The following FANCI variants were observed in gnomAD, a reference collection of about 807,000 sequenced individuals.
FANCI encodes the protein Fanconi anemia group I protein.
In FANCI, 156 loss-of-function variants were observed where a neutral mutation model predicts 176.1. The observed-to-expected ratio is 0.89, with a 90% CI of 0.78 to 1.01. FANCI has a LOEUF of 1.01. Ranked by LOEUF, FANCI falls within the 50% of genes least tolerant of loss-of-function variation. FANCI has a pLI of 0.00. For synonymous variants in FANCI, 613 were observed against 541.7 expected (o/e 1.13, Z -1.83); for missense variants, 1,678 against 1,534.1 (o/e 1.09, Z -1.57).
rs561920831 is a variant in FANCI at position 89,259,974 on chromosome 15, T to C, written c.158-739T>C. On this transcript the variant is annotated intron_variant, in intron 3 of 37. Transcript: ENST00000310775. ...TATAAATTTTTGTGCGGACATGTTT[T>C]CCTTTCTCTTGGATATATATCTAGG... 4.6e-5 allele frequency among the ~76,000 whole-genome samples: 7 copies of C among 152,354 alleles called. No homozygotes were observed. The East Asian group carries it at 1.3e-3, about 29-fold the overall frequency.
At chr15:89,303,999 C>T (rs2054619637) in intron 28 of FANCI, 84 bp downstream of exon 28, 1 of 1,293,262 alleles carries the variant, frequency 7.7e-7, no homozygotes, top group South Asian at 1.2e-5. Context: ...AGGTATTCCC[C>T]ATTCATTACA....
rs1006437839 is a variant in FANCI at position 89,302,596 on chromosome 15, C to CA, written c.3006+1155dup. ...AAAAAAATTTTTTTTTTTTTTGAGA[C>CA]AGAGTCTCGCTCTGTCTCCCAGGCT... On this transcript the variant is annotated intron_variant, in intron 27 of 37. Coordinates refer to ENST00000310775, the MANE Select transcript of FANCI (RefSeq NM_001113378.2). Among the ~76,000 whole-genome samples the CA allele has an allele frequency of 1.4e-3, 215 of 149,550 alleles. 1 individual carries two copies. The highest frequency in any genetic ancestry group is 4.8e-3 in the African/African-American group (193 of 40,564).
chr15:89,307,389 G>A (rs1005166404), intron 32 of FANCI, 87 bp from the exon 33 acceptor site: 1 of 1,299,470 alleles, frequency 7.7e-7, no homozygotes, highest in African/African-American at 1.5e-5. Context: ...CAGTCAGAAT[G>A]ATGAGTCACA....
At chr15:89,269,723 T>G (rs528456593) in intron 10 of FANCI, among the ~76,000 whole-genome samples, 1 of 152,352 alleles carries the variant, frequency 6.6e-6, no homozygotes, top group East Asian at 1.9e-4. Flanking sequence ...AGACAAAATG[T>G]ACTAACGAGT....
intron 34 of FANCI, chr15:89,308,015 G>C: frequency 8.2e-7 from 1 of 1,214,686 alleles, no homozygotes; most frequent in Non-Finnish European, 1.0e-6. Flanking sequence ...CAGAGTAGCA[G>C]CAAGCACATG....
intron 31 of FANCI, 106 bp downstream of exon 31, chr15:89,305,804 C>A: frequency 7.9e-7 from 1 of 1,266,358 alleles, no homozygotes; most frequent in Non-Finnish European, 1.1e-6. Flanking sequence ...TTCTTATTTG[C>A]CTTTAAGCTA....
At chr15:89,315,448 C>A in intron 37 of FANCI, 59 bp downstream of exon 37, 2 of 1,198,588 alleles carry the variant, frequency 1.7e-6, no homozygotes, top group Non-Finnish European at 2.5e-6. Context: ...AGCAGCCTAT[C>A]TGGGAGCAGT....
chr15:89,293,192 T>A, intron 22 of FANCI, 129 bp downstream of exon 22: 1 of 988,186 alleles, frequency 1.0e-6, no homozygotes, highest in Non-Finnish European at 1.6e-6. Context: ...AATGAGCACC[T>A]AGTCTAAGAC....
rs780088570 is a variant in FANCI at position 89,261,686 on chromosome 15, A to G, written c.390A>G (p.Leu130=). ...TGAATGGAAAATCTTTGGAGTTACT[A>G]CCTATCATTCTCACTGCCCTGGCTA... ...SLVNGKSLEL[L]PIILTALATK... is the part of the protein sequence containing the mutation. Residue 130 remains leucine (L), a synonymous_variant, in exon 5 of 38, where the codon CTA becomes CTG. Transcript: ENST00000310775. 3.7e-6 allele frequency: 6 copies of G among 1,614,096 alleles called. No individual in the cohort carries two copies. The highest frequency in any genetic ancestry group is 1.7e-5 in the Admixed American group (1 of 60,014).
At position 89,262,805 on chromosome 15, in the gene FANCI, G is replaced by T. The variant is rs1426789571; in HGVS notation, c.504-614G>T. The stretch of plus-strand genomic sequence containing the variant: ...TCTACATCATTCTTTTTAATGGTTT[G>T]CAGTAATCTATTATTTGGCTAATCT... On this transcript the variant is annotated intron_variant, in intron 6 of 37. Coordinates refer to ENST00000310775, the MANE Select transcript of FANCI (RefSeq NM_001113378.2). Among the ~76,000 whole-genome samples, 3 of 152,126 alleles carry T rather than the reference G, an allele frequency of 2.0e-5. No homozygotes were observed. In the East Asian group the frequency reaches 5.8e-4, roughly 29 times the overall value.
intron 10 of FANCI, among the ~76,000 whole-genome samples, chr15:89,272,597 A>G (rs146000338): frequency 2.4e-3 from 373 of 152,266 alleles, no homozygotes; most frequent in African/African-American, 8.5e-3. Flanking sequence ...GTTTTCCTCT[A>G]AAAATATTAC....
chr15:89,295,143 C>T, intron 24 of FANCI, 49 bp downstream of exon 24: 2 of 1,522,038 alleles, frequency 1.3e-6, no homozygotes, highest in Non-Finnish European at 1.8e-6. Context: ...GCTGTGGTGT[C>T]TCCAAGAGAA....
intron 34 of FANCI, among the ~76,000 whole-genome samples, chr15:89,311,126 G>A (rs910115621): frequency 1.3e-5 from 2 of 152,116 alleles, no homozygotes. Context: ...GGGCATGGTG[G>A]CAGGCGCCTG....
At chr15:89,292,268 T>C (rs1168660256) in intron 20 of FANCI, among the ~76,000 whole-genome samples, 1 of 152,234 alleles carries the variant, frequency 6.6e-6, no homozygotes, top group African/African-American at 2.4e-5. Flanking sequence ...GCCTTCATTT[T>C]TGTGCCTTCT....
At position 89,314,621 on chromosome 15, in the gene FANCI, C is replaced by A. The variant is rs1321885310; in HGVS notation, c.3730C>A (p.Leu1244Ile). 1 of 1,613,722 alleles carries A rather than the reference C, an allele frequency of 6.2e-7. No homozygotes were observed. The highest frequency in any genetic ancestry group is 1.7e-5 in the Admixed American group (1 of 59,990). ...TGTTCTTTGCCCTTAGGCCAGAGTT[C>A]TTCGGGAAACCAAGCCAATCCCTAA... ...AAVATAMARV[L>I]RETKPIPNLI... The change falls in exon 36 of 38, where the codon CTT becomes ATT. Residue 1244 changes from leucine (L) to isoleucine (I), a missense_variant. Leu to Ile is a conservative substitution (Grantham distance 5). Transcript: ENST00000310775.
In FANCI at chr15:89,284,146, G is replaced by A. The variant is rs185031467; in HGVS notation, c.1698+896G>A. ...ATTATCTCATTTAATCTTCACAGCA[G>A]TCCTCTGAGGCTAGATACTATTATT... On this transcript the variant is annotated intron_variant, in intron 17 of 37. Coordinates refer to ENST00000310775, the MANE Select transcript of FANCI (RefSeq NM_001113378.2). 1.8e-3 allele frequency among the ~76,000 whole-genome samples: 279 copies of A among 152,210 alleles called. 1 individual carries two copies. The highest frequency in any genetic ancestry group is 6.5e-3 in the African/African-American group (268 of 41,550).
At chr15:89,289,168 T>A (rs2053955164) in intron 18 of FANCI, among the ~76,000 whole-genome samples, 1 of 152,206 alleles carries the variant, frequency 6.6e-6, no homozygotes, top group South Asian at 2.1e-4. Context: ...TATGCCATTT[T>A]AAAATTTTGC....
Position 89,305,232 on chromosome 15 carries a change from A to T in FANCI, c.3176A>T (p.Asp1059Val), listed in dbSNP as rs770258551. 1 of 1,614,130 alleles carries T rather than the reference A, an allele frequency of 6.2e-7. No individual in the cohort carries two copies. The highest frequency in any genetic ancestry group is 1.1e-5 in the South Asian group (1 of 91,080). The stretch of plus-strand genomic sequence containing the variant: ...CAGGATATCCACGGGCATCTGGGAG[A>T]TATAGACCAGGTACTATAATGAGCC... ...LSQDIHGHLG[D>V]IDQDVEVEKT... is the part of the protein sequence containing the mutation. Residue 1059 changes from aspartate (D) to valine (V), a missense_variant, in exon 29 of 38, where the codon GAT (aspartate) becomes GTT (valine). Transcript: ENST00000310775.
chr15:89,306,507 C>T (rs776692863), intron 32 of FANCI, among the ~76,000 whole-genome samples: 3 of 152,080 alleles, frequency 2.0e-5, no homozygotes, highest in Non-Finnish European at 4.4e-5. Context: ...GCCTGGCCAA[C>T]ATGGTGAAAC....
Sources: allele counts gnomAD v4.1 joint callset (sites outside exome capture counted in the v4.1 genomes callset), GRCh38; gene constraint gnomAD v4.1.1; transcripts MANE v1.5; gene names NCBI Gene and HGNC (gene_info 2026-07-23, HGNC 2026-07-21).